The following ZCCHC7 variants were observed in gnomAD, a reference collection of about 807,000 sequenced individuals.
ZCCHC7 encodes the protein zinc finger CCHC-type containing 7.
In ZCCHC7, 35 loss-of-function variants were observed where a neutral mutation model predicts 52.0. The ratio of observed to expected loss-of-function variants is 0.67; its 90% CI spans 0.51 to 0.89. The LOEUF is 0.89. Ranked by LOEUF, ZCCHC7 falls within the 40% of genes least tolerant of loss-of-function variation. The pLI is 0.00. For synonymous variants in ZCCHC7, 217 were observed against 221.5 expected, an observed-to-expected ratio of 0.98 and a Z score of 0.18; for missense variants, 574 against 649.1, an observed-to-expected ratio of 0.88 and a Z score of 1.26.
intron 2 of ZCCHC7, among the ~76,000 whole-genome samples, chr9:37,190,228 C>T (rs1822946690): frequency 6.6e-6 from 1 of 152,176 alleles, no homozygotes; most frequent in Non-Finnish European, 1.5e-5. Flanking sequence ...CTGCTGCTGT[C>T]ACTGCTTCCA....
At chr9:37,184,392 CAA>C (rs34335465) in intron 2 of ZCCHC7, among the ~76,000 whole-genome samples, 21,066 of 121,186 alleles carry the variant, frequency 0.17, 1,593 homozygotes, top group Non-Finnish European at 0.2. Flanking sequence ...TGGCTTGCAT[CAA>C]AAAAAAAAAA....
At chr9:37,218,789 A>G (rs946538160) in intron 2 of ZCCHC7, among the ~76,000 whole-genome samples, 1 of 151,930 alleles carries the variant, frequency 6.6e-6, no homozygotes, top group African/African-American at 2.4e-5. Context: ...AGCCTGGGTG[A>G]CGGAGCGAGA....
At chr9:37,193,679 A>G (rs555793038) in intron 2 of ZCCHC7, among the ~76,000 whole-genome samples, 55 of 152,122 alleles carry the variant, frequency 3.6e-4, no homozygotes, top group Non-Finnish European at 5.9e-4. Context: ...CTGCTGTTTC[A>G]TGTACAATTT....
chr9:37,184,787 CTG>C (rs936419884), intron 2 of ZCCHC7, among the ~76,000 whole-genome samples: 2 of 152,040 alleles, frequency 1.3e-5, no homozygotes, highest in Admixed American at 6.6e-5. Flanking sequence ...ACTTGCATGA[CTG>C]TTTTTGGGAT....
At chr9:37,332,517 G>T (rs979602166) in intron 6 of ZCCHC7, among the ~76,000 whole-genome samples, 4 of 151,436 alleles carry the variant, frequency 2.6e-5, no homozygotes, top group South Asian at 2.1e-4. Context: ...TGTTCTTAAA[G>T]AATTTGCTGT....
chr9:37,327,889 C>CT (rs1435041250), intron 6 of ZCCHC7, 55 bp downstream of exon 6: 2 of 1,566,748 alleles, frequency 1.3e-6, no homozygotes, highest in African/African-American at 2.7e-5. Flanking sequence ...TTACCCTTCT[C>CT]TGAACTGCTG....
chr9:37,228,875 G>A (rs539463495), intron 2 of ZCCHC7, among the ~76,000 whole-genome samples: 2 of 143,286 alleles, frequency 1.4e-5, no homozygotes, highest in South Asian at 4.5e-4. Context: ...TCACTCTGTC[G>A]CCTGGGCTAA....
chr9:37,156,679 C>G (rs1348686025), intron 2 of ZCCHC7, among the ~76,000 whole-genome samples: 2 of 152,164 alleles, frequency 1.3e-5, no homozygotes, highest in Non-Finnish European at 2.9e-5. Context: ...AAGCCAAACT[C>G]TGTTATTCTG....
At chr9:37,157,348 C>G (rs1243294940) in intron 2 of ZCCHC7, among the ~76,000 whole-genome samples, 2 of 151,942 alleles carry the variant, frequency 1.3e-5, no homozygotes, top group African/African-American at 4.8e-5. Flanking sequence ...AGAAAATTAT[C>G]CAGGTGTGGT....
At chr9:37,215,896 C>T (rs1193802764) in intron 2 of ZCCHC7, among the ~76,000 whole-genome samples, 6 of 152,026 alleles carry the variant, frequency 3.9e-5, no homozygotes, top group Admixed American at 3.9e-4. Context: ...TATTTTTAAA[C>T]ATTTTAATTT....
chr9:37,224,141 C>A (rs1450045149), intron 2 of ZCCHC7, among the ~76,000 whole-genome samples: 1 of 151,788 alleles, frequency 6.6e-6, no homozygotes, highest in African/African-American at 2.4e-5. Context: ...AAGGAAAAAA[C>A]TTTTTATAAT....
At chr9:37,336,887 A>G (rs1830689444) in intron 6 of ZCCHC7, among the ~76,000 whole-genome samples, 3 of 152,072 alleles carry the variant, frequency 2.0e-5, no homozygotes, top group Admixed American at 2.0e-4. Flanking sequence ...CATGTACTAA[A>G]TGGTTTCTTT....
intron 2 of ZCCHC7, among the ~76,000 whole-genome samples, chr9:37,211,845 G>A (rs1588488842): frequency 1.3e-5 from 2 of 151,698 alleles, no homozygotes; most frequent in Non-Finnish European, 2.9e-5. Flanking sequence ...TGGCTAACAC[G>A]GTGAAACCCC....
At chr9:37,140,236 C>T (rs1436036064) in intron 2 of ZCCHC7, among the ~76,000 whole-genome samples, 1 of 151,858 alleles carries the variant, frequency 6.6e-6, no homozygotes, top group Non-Finnish European at 1.5e-5. Context: ...TTACTTCCTA[C>T]TTTTAAGGAG....
intron 2 of ZCCHC7, among the ~76,000 whole-genome samples, chr9:37,131,605 A>G (rs1842786955): frequency 6.6e-6 from 1 of 152,220 alleles, no homozygotes; most frequent in Non-Finnish European, 1.5e-5. Flanking sequence ...AGATTGTGCA[A>G]CTGCACTCAA....
At chr9:37,121,169 C>A (rs1463306172) in intron 1 of ZCCHC7, among the ~76,000 whole-genome samples, 1 of 152,196 alleles carries the variant, frequency 6.6e-6, no homozygotes, top group East Asian at 1.9e-4. Flanking sequence ...ATCCTGTGAG[C>A]GGACAGTTGC....
chr9:37,255,179 G>A (rs893936730), intron 2 of ZCCHC7, among the ~76,000 whole-genome samples: 1 of 151,968 alleles, frequency 6.6e-6, no homozygotes, highest in Non-Finnish European at 1.5e-5. Flanking sequence ...CAACAAGATA[G>A]AACAATTATA....
At chr9:37,177,644 G>A (rs1020778414) in intron 2 of ZCCHC7, among the ~76,000 whole-genome samples, 4 of 152,150 alleles carry the variant, frequency 2.6e-5, no homozygotes, top group African/African-American at 9.7e-5. Context: ...CAATAAGACA[G>A]GCAATTAAGA....
At chr9:37,169,887 G>A (rs1259865046) in intron 2 of ZCCHC7, among the ~76,000 whole-genome samples, 4 of 151,860 alleles carry the variant, frequency 2.6e-5, no homozygotes, top group African/African-American at 7.3e-5. Context: ...GTAACATGGC[G>A]AAACCATGTC....
Sources: allele counts gnomAD v4.1 joint callset (sites outside exome capture counted in the v4.1 genomes callset), GRCh38; gene constraint gnomAD v4.1.1; transcripts MANE v1.5; gene names NCBI Gene and HGNC (gene_info 2026-07-23, HGNC 2026-07-21).